PTPRN2: variants seen among roughly 807,000 people sequenced by gnomAD.
PTPRN2 encodes the protein receptor-type tyrosine-protein phosphatase N2.
In PTPRN2, 74 loss-of-function variants were observed where a neutral mutation model predicts 118.8. The ratio of observed to expected loss-of-function variants is 0.62; its 90% CI spans 0.52 to 0.76. The LOEUF is 0.76. Among genes scored for constraint, PTPRN2 ranks in the 30% least tolerant of loss-of-function variants. The pLI is 0.00. For missense variants in PTPRN2, 1,481 were observed against 1,394.4 expected (o/e 1.06, Z -0.99); for synonymous variants, 641 against 608.0 (o/e 1.05, Z -0.80).
chr7:158,105,651 A>AACTCTAT (rs954317594), intron 10 of PTPRN2, among the ~76,000 whole-genome samples: 4 of 149,490 alleles, frequency 2.7e-5, no homozygotes, highest in African/African-American at 7.4e-5. Flanking sequence ...CAGATTCATC[A>AACTCTAT]ACTCTATCCC....
intron 2 of PTPRN2, among the ~76,000 whole-genome samples, chr7:158,341,527 T>G (rs1424092054): frequency 1.3e-4 from 11 of 82,116 alleles, no homozygotes; most frequent in African/African-American, 3.0e-4. Context: ...ACCCACACTC[T>G]CACCATAAGA....
At chr7:158,518,679 G>A (rs924696215) in intron 1 of PTPRN2, among the ~76,000 whole-genome samples, 2 of 152,128 alleles carry the variant, frequency 1.3e-5, no homozygotes, top group Admixed American at 6.5e-5. Flanking sequence ...TCAAACATTC[G>A]AGCTGATTAA....
intron 2 of PTPRN2, among the ~76,000 whole-genome samples, chr7:158,464,208 T>C (rs553613982): frequency 1.8e-4 from 8 of 43,370 alleles, no homozygotes; most frequent in Non-Finnish European, 3.2e-4. Flanking sequence ...ATCACCATCA[T>C]CATCCTTACC....
chr7:158,378,928 C>A lies in PTPRN2; in HGVS notation c.164-61996G>T, dbSNP rs747408150. ...CTTTAATGGGATGGGGAGAAGACCC[C>A]GCTCCCAGTCCTGTCATCTGTGAAT... On this transcript the variant is annotated intron_variant, in intron 2 of 22. Transcript: ENST00000389418. Among the ~76,000 whole-genome samples, 15 of 152,318 alleles carry A rather than the reference C, an allele frequency of 9.8e-5. No individual in the cohort carries two copies. In the East Asian group the frequency reaches 2.9e-3, roughly 29 times the overall value.
intron 13 of PTPRN2, among the ~76,000 whole-genome samples, chr7:157,668,995 T>C (rs1330402326): frequency 6.6e-6 from 1 of 152,234 alleles, no homozygotes; most frequent in African/African-American, 2.4e-5. Context: ...CCGCCTCACA[T>C]GCTAGGCCAG....
intron 2 of PTPRN2, among the ~76,000 whole-genome samples, chr7:158,484,184 T>C (rs1451039573): frequency 6.6e-6 from 1 of 152,178 alleles, no homozygotes; most frequent in African/African-American, 2.4e-5. Flanking sequence ...GTTTTCTGAA[T>C]GTTCAGAGTT....
intron 3 of PTPRN2, among the ~76,000 whole-genome samples, chr7:158,272,547 C>T (rs1299911202): frequency 6.6e-6 from 1 of 152,212 alleles, no homozygotes; most frequent in Non-Finnish European, 1.5e-5. Context: ...TCACTCTCTA[C>T]CAGAACGGCA....
At chr7:158,511,035 T>C (rs1823142859) in intron 1 of PTPRN2, among the ~76,000 whole-genome samples, 1 of 152,170 alleles carries the variant, frequency 6.6e-6, no homozygotes, top group Non-Finnish European at 1.5e-5. Flanking sequence ...AATAGGTGAT[T>C]TGAATTTGTT....
chr7:157,646,352 C>A (rs145993360), intron 14 of PTPRN2, among the ~76,000 whole-genome samples: 2 of 152,126 alleles, frequency 1.3e-5, no homozygotes, highest in Non-Finnish European at 2.9e-5. Context: ...CACTCCCCAT[C>A]TGTTCTCTCC....
intron 11 of PTPRN2, among the ~76,000 whole-genome samples, chr7:157,978,942 C>T (rs967341842): frequency 2.6e-4 from 40 of 152,042 alleles, no homozygotes; most frequent in African/African-American, 8.2e-4. Context: ...TTCTTGTCTA[C>T]GACACCTGCC....
intron 14 of PTPRN2, among the ~76,000 whole-genome samples, chr7:157,625,010 C>A (rs923178115): frequency 2.6e-5 from 4 of 152,222 alleles, no homozygotes; most frequent in African/African-American, 9.6e-5. Context: ...CAGGGAAATG[C>A]ATATCAAAAC....
At chr7:157,973,051 G>A (rs955833005) in intron 11 of PTPRN2, among the ~76,000 whole-genome samples, 8 of 152,244 alleles carry the variant, frequency 5.3e-5, no homozygotes, top group Admixed American at 6.5e-5. Flanking sequence ...GAGACCTCAG[G>A]AATTCCACAC....
intron 12 of PTPRN2, among the ~76,000 whole-genome samples, chr7:157,767,431 G>A (rs1802549955): frequency 6.6e-6 from 1 of 152,328 alleles, no homozygotes. Context: ...CCTTGATAAT[G>A]ATGCCTGACA....
intron 4 of PTPRN2, among the ~76,000 whole-genome samples, chr7:158,199,605 A>T (rs1826474129): frequency 6.6e-6 from 1 of 152,208 alleles, no homozygotes; most frequent in Non-Finnish European, 1.5e-5. Flanking sequence ...CTACTATGTC[A>T]CTGGCCCATG....
chr7:157,643,228 T>A (rs1320583614), intron 14 of PTPRN2, among the ~76,000 whole-genome samples: 1 of 152,224 alleles, frequency 6.6e-6, no homozygotes, highest in Non-Finnish European at 1.5e-5. Flanking sequence ...CTGGTCAGAT[T>A]GGGGTCAGAG....
At chr7:158,467,204 G>A (rs1009559164) in intron 2 of PTPRN2, among the ~76,000 whole-genome samples, 2 of 152,140 alleles carry the variant, frequency 1.3e-5, no homozygotes, top group African/African-American at 4.8e-5. Context: ...CCATCTGTAT[G>A]TCCTCTTTGG....
chr7:158,379,334 C>T (rs1425838783), intron 2 of PTPRN2, among the ~76,000 whole-genome samples: 1 of 152,116 alleles, frequency 6.6e-6, no homozygotes, highest in Non-Finnish European at 1.5e-5. Context: ...AGCCAAGACC[C>T]ACCTTCATAG....
At chr7:158,057,087 C>T (rs1809849819) in intron 11 of PTPRN2, among the ~76,000 whole-genome samples, 1 of 152,226 alleles carries the variant, frequency 6.6e-6, no homozygotes, top group South Asian at 2.1e-4. Context: ...GGGGACGCTG[C>T]CCAGCTCCCG....
chr7:157,941,504 C>G (rs1403111316), intron 11 of PTPRN2, among the ~76,000 whole-genome samples: 4 of 151,734 alleles, frequency 2.6e-5, no homozygotes, highest in African/African-American at 9.7e-5. Flanking sequence ...GCAAATCTAA[C>G]TCCCTCCCCC....
Sources: allele counts gnomAD v4.1 joint callset (sites outside exome capture counted in the v4.1 genomes callset), GRCh38; gene constraint gnomAD v4.1.1; transcripts MANE v1.5; gene names NCBI Gene and HGNC (gene_info 2026-07-23, HGNC 2026-07-21).